PPM1F: variants seen among roughly 807,000 people sequenced by gnomAD.
PPM1F encodes protein phosphatase, Mg2+/Mn2+ dependent 1F.
Under a neutral mutation model 35.5 loss-of-function variants are expected in PPM1F, and 17 were observed. The observed-to-expected ratio is 0.48, with a 90% CI of 0.33 to 0.72. PPM1F has a LOEUF of 0.72. Among genes scored for constraint, PPM1F ranks in the 30% least tolerant of loss-of-function variants. PPM1F has a pLI of 0.02. For missense variants in PPM1F, 521 were observed against 613.0 expected, an observed-to-expected ratio of 0.85 and a Z score of 1.59; for synonymous variants, 241 against 255.5, an observed-to-expected ratio of 0.94 and a Z score of 0.54.
chr22:21,928,410 C>A (rs2070546604), intron 6 of PPM1F, among the ~76,000 whole-genome samples: 1 of 152,192 alleles, frequency 6.6e-6, no homozygotes, highest in Admixed American at 6.5e-5. Context: ...CCTGAACTCA[C>A]TTTTGTGACC....
At position 21,939,035 on chromosome 22, in the gene PPM1F, T is replaced by C. The variant is rs1320719492; in HGVS notation, c.355+497A>G. On this transcript the variant is annotated intron_variant, in intron 3 of 7. Transcript: ENST00000263212. This position sits in a 1 kb window ranked among gnomAD's most constrained non-coding sequence, Gnocchi z 5.1. ...CGTCTCCACCCAACAGAATCCTGAC[T>C]TGGGGGCAGCTGAGGCAGGGGGCCC... 1 of 160,714 alleles carries C rather than the reference T, an allele frequency of 6.2e-6. No individual in the cohort carries two copies. The highest frequency in any genetic ancestry group is 2.4e-5 in the African/African-American group (1 of 41,478). The allele number at this position is 160,714 out of a possible 1,614,324, so 10.0% of individuals were successfully genotyped here.
chr22:21,945,800 C>T (rs773695473), intron 2 of PPM1F, 43 bp downstream of exon 2: 28 of 1,586,682 alleles, frequency 1.8e-5, no homozygotes, highest in Non-Finnish European at 2.1e-5. Flanking sequence ...GCCCTGGTGC[C>T]GTGCCCTTAC....
At chr22:21,930,111 A>G (rs1224425312) in intron 6 of PPM1F, among the ~76,000 whole-genome samples, 1 of 152,260 alleles carries the variant, frequency 6.6e-6, no homozygotes, top group Non-Finnish European at 1.5e-5. Flanking sequence ...AATGATCTTC[A>G]GCTTTTGAAA....
chr22:21,924,412 C>T (rs1364626532), intron 7 of PPM1F, among the ~76,000 whole-genome samples: 1 of 152,050 alleles, frequency 6.6e-6, no homozygotes, highest in African/African-American at 2.4e-5. Flanking sequence ...CGATTACAGG[C>T]AGGCACCACC....
At position 21,931,256 on chromosome 22, in the gene PPM1F, G is replaced by A. The variant is rs2070585819; in HGVS notation, c.783C>T (p.Leu261=). ...LQSGTTGVCA[L]IAGATLHVAW... is the part of the protein sequence containing the mutation. ...CGACGTGCAGGGTCGCTCCTGCAAT[G>A]AGCGCACACACACCTGTGGTGCCGC... The change falls in exon 6 of 8, where the codon CTC becomes CTT. Residue 261 remains leucine (L), a synonymous_variant. Coordinates refer to ENST00000263212, the MANE Select transcript of PPM1F (RefSeq NM_014634.4). The A allele has an allele frequency of 1.2e-6, 2 of 1,613,558 alleles. No homozygotes were observed. Among genetic ancestry groups the A allele is most frequent in the Non-Finnish European group, 1.7e-6 (2 of 1,180,024 alleles).
chr22:21,919,622 T>C lies in PPM1F; in HGVS notation c.*3470A>G, dbSNP rs2070423919. 1 of 151,648 alleles carries C rather than the reference T, an allele frequency of 6.6e-6. No homozygotes were observed. Among genetic ancestry groups the C allele is most frequent in the Non-Finnish European group, 1.5e-5 (1 of 67,932 alleles). The allele number at this position is 151,648 out of a possible 1,614,324, so 9.4% of individuals were successfully genotyped here. On this transcript the variant is annotated 3_prime_UTR_variant, in exon 8 of 8. Transcript: ENST00000263212. ...ACGCAGATAAACCCTTCGCAAGGCC[T>C]GCACTGCACCGGAATGGCAGAGCTC...
At position 21,922,964 on chromosome 22, in the gene PPM1F, G is replaced by A. The variant is rs2070464187; in HGVS notation, c.*128C>T. On this transcript the variant is annotated 3_prime_UTR_variant, in exon 8 of 8. Transcript: ENST00000263212. ...TGCGGGGGGTGTCCCGACTGGCTCT[G>A]GGGTGCTGGGGAAAGCACTGTGGGG... 1 of 1,266,546 alleles carries A rather than the reference G, an allele frequency of 7.9e-7. No homozygotes were observed. Among genetic ancestry groups the A allele is most frequent in the Admixed American group, 2.3e-5 (1 of 43,618 alleles). 78.5% of individuals were successfully genotyped at this position (1,266,546 alleles called of 1,614,324 possible). A position where few individuals can be genotyped will look rare whatever the true frequency, so the allele number is the denominator to read the frequency against.
intron 7 of PPM1F, among the ~76,000 whole-genome samples, 176 bp from the exon 8 acceptor site, chr22:21,923,647 C>T (rs763943738): frequency 7.9e-5 from 12 of 152,180 alleles, no homozygotes; most frequent in Non-Finnish European, 1.5e-4. Flanking sequence ...TGCCTGGGAA[C>T]GGAAACCCCT....
At position 21,933,538 on chromosome 22, in the gene PPM1F, G is replaced by A. The variant is rs769892279; in HGVS notation, c.600C>T (p.His200=). 2.8e-5 allele frequency: 45 copies of A among 1,613,528 alleles called. No homozygotes were observed. Among genetic ancestry groups the A allele is most frequent in the East Asian group, 2.7e-4 (12 of 44,872 alleles). Residue 200 remains histidine, a synonymous_variant, in exon 5 of 8, where the codon CAC becomes CAT. Transcript: ENST00000263212. ...NRAYFAVFDG[H]GGVDAARYAA... is the part of the protein sequence containing the mutation. ...CGTACCTCGCAGCATCCACGCCTCC[G>A]TGACCATCAAACACAGCAAAGTAGG...
Position 21,922,969 on chromosome 22 carries a change from G to T in PPM1F, c.*123C>A. 2.3e-6 allele frequency: 3 copies of T among 1,308,374 alleles called. No homozygotes were observed. Among genetic ancestry groups the T allele is most frequent in the Non-Finnish European group, 3.2e-6 (3 of 950,882 alleles). 81.0% of individuals were successfully genotyped at this position (1,308,374 alleles called of 1,614,324 possible). A position where few individuals can be genotyped will look rare whatever the true frequency, so the allele number is the denominator to read the frequency against. On this transcript the variant is annotated 3_prime_UTR_variant, in exon 8 of 8. Coordinates refer to ENST00000263212, the MANE Select transcript of PPM1F (RefSeq NM_014634.4). ...GGGGTGTCCCGACTGGCTCTGGGGTGCTGGGGAAAGCACTGTGGGGCGGGC... is the reference window on the plus strand; with the variant it reads ...GGGGTGTCCCGACTGGCTCTGGGGTTCTGGGGAAAGCACTGTGGGGCGGGC...
rs1461683083 is a variant in PPM1F, at chr22:21,923,328, T to A, written c.1129A>T (p.Ser377Cys). The change falls in exon 8 of 8, where the codon AGC (serine) becomes TGC (cysteine). Residue 377 changes from serine to cysteine, a missense_variant. By Grantham distance (112) the Ser-to-Cys change is moderately radical. Coordinates refer to ENST00000263212, the MANE Select transcript of PPM1F (RefSeq NM_014634.4). ...CTGCCCTGCTGCCTGGTCAGGTGGC[T>A]CTGGACCAGGCCAACAACTTCCTGG... is the stretch of plus-strand genomic sequence containing the variant. ...PHQEVVGLVQ[S>C]HLTRQQGSGL... 2 of 1,613,488 alleles carry A rather than the reference T, an allele frequency of 1.2e-6. No homozygotes were observed. Among genetic ancestry groups the A allele is most frequent in the East Asian group, 4.5e-5 (2 of 44,888 alleles).
rs2070534590 is a variant in PPM1F, at chr22:21,927,859, C to T, written c.892-2197G>A. 2.0e-5 allele frequency among the ~76,000 whole-genome samples: 3 copies of T among 151,814 alleles called. 1 individual carries two copies. The highest frequency in any genetic ancestry group is 2.0e-4 in the Admixed American group (3 of 15,252). On this transcript the variant is annotated intron_variant, in intron 6 of 7. Transcript: ENST00000263212. ...TGGCCAGGCTCAGTCTGGTCCGGGA[C>T]TAACATATCCCCAGGCTAAGGGGTC...
chr22:21,927,609 T>G (rs1000912558), intron 6 of PPM1F, among the ~76,000 whole-genome samples: 6 of 152,216 alleles, frequency 3.9e-5, no homozygotes, highest in African/African-American at 9.6e-5. Flanking sequence ...CCTTCCTACC[T>G]GAAGCCCCTC....
At chr22:21,950,968 CTACTAA>C (rs796660901) in intron 1 of PPM1F, 9 of 152,238 alleles carry the variant, frequency 5.9e-5, no homozygotes, top group Non-Finnish European at 8.8e-5. Flanking sequence ...TTATTCATAA[CTACTAA>C]TACTAATAAT....
Position 21,925,596 on chromosome 22 carries a change from C to T in PPM1F, c.958G>A (p.Gly320Arg), listed in dbSNP as rs573839921. The T allele has an allele frequency of 1.5e-5, 25 of 1,613,668 alleles. No individual in the cohort carries two copies. The East Asian group carries it at 3.6e-4, about 23-fold the overall frequency. ...VSHMDCWRVN[G>R]TLAVSRAIGD... ...ATGGCTCTGGAGACGGCCAGGGTCC[C>T]GTTGACTCTCCAGCAGTCCATGTGA... The change falls in exon 7 of 8, where the codon GGG (glycine) becomes AGG (arginine). Residue 320 changes from glycine (G) to arginine (R), a missense_variant. By Grantham distance (125) the Gly-to-Arg change is moderately radical. This residue lies in a region of PPM1F where 47 missense variants were observed against 92.0 expected (regional missense o/e 0.51). Transcript: ENST00000263212.
chr22:21,938,071 G>A, intron 3 of PPM1F: 1 of 1,269,334 alleles, frequency 7.9e-7, no homozygotes, highest in Non-Finnish European at 1.0e-6. Context: ...GCCTGCATGC[G>A]AGGCACTCTG....
chr22:21,939,301 C>A lies in PPM1F; in HGVS notation c.355+231G>T, dbSNP rs774855499. The A allele has an allele frequency of 3.8e-5, 22 of 578,828 alleles. No homozygotes were observed. The highest frequency in any genetic ancestry group is 5.5e-5 in the Non-Finnish European group (18 of 327,848). 35.9% of individuals were successfully genotyped at this position (578,828 alleles called of 1,614,324 possible). A position where few individuals can be genotyped will look rare whatever the true frequency, so the allele number is the denominator to read the frequency against. ...GGACACAGGAGGGTGTCTGCACCAC[C>A]CACCCCTGCCTCGTGGGCTGACTGG... On this transcript the variant is annotated intron_variant, in intron 3 of 7. Coordinates refer to ENST00000263212, the MANE Select transcript of PPM1F (RefSeq NM_014634.4). This position sits in a 1 kb window ranked among gnomAD's most constrained non-coding sequence, Gnocchi z 5.1.
rs1427436692 is a variant in PPM1F, at chr22:21,920,850, TTC to T, written c.*2240_*2241del. 3.9e-5 allele frequency: 6 copies of T among 152,194 alleles called. No homozygotes were observed. The highest frequency in any genetic ancestry group is 1.4e-4 in the African/African-American group (6 of 41,442). The allele number at this position is 152,194 out of a possible 1,614,324, so 9.4% of individuals were successfully genotyped here. A position where few individuals can be genotyped will look rare whatever the true frequency, so the allele number is the denominator to read the frequency against. On this transcript the variant is annotated 3_prime_UTR_variant, in exon 8 of 8. Coordinates refer to ENST00000263212, the MANE Select transcript of PPM1F (RefSeq NM_014634.4). ...AAAAGAGAAAAGCAGATGCCAATCA[TTC>T]TCTCTCTTCGTCAAGGTTATGCCCA...
chr22:21,945,176 A>G (rs976181498), intron 2 of PPM1F: 22 of 152,290 alleles, frequency 1.4e-4, no homozygotes, highest in African/African-American at 5.1e-4. Context: ...TTTGGAGTTA[A>G]AGTCTTTGCA....
Sources: gnomAD v4.1 joint callset for allele counts (sites outside exome capture counted in the v4.1 genomes callset) on GRCh38, gnomAD v4.1.1 for gene constraint, gnomAD v4.1.1 regional missense constraint, Gnocchi (gnomAD v3.1) non-coding constraint, MANE v1.5 for transcripts, NCBI Gene and HGNC (gene_info 2026-07-23, HGNC 2026-07-21) for gene names.